Variants in MYO18B observed in about 807,000 individuals in gnomAD.
MYO18B encodes the protein unconventional myosin-XVIIIb.
Under a neutral mutation model 273.0 loss-of-function variants are expected in MYO18B, and 204 were observed. The ratio of observed to expected loss-of-function variants is 0.75; its 90% CI spans 0.67 to 0.84. The LOEUF is 0.84. Among genes scored for constraint, MYO18B ranks in the 40% least tolerant of loss-of-function variants. MYO18B has a pLI of 0.00. For missense variants in MYO18B, 3,212 were observed against 3,287.6 expected, an observed-to-expected ratio of 0.98 and a Z score of 0.56; for synonymous variants, 1,330 against 1,305.7, an observed-to-expected ratio of 1.02 and a Z score of -0.40.
At chr22:25,878,140 T>C (rs1396209330) in intron 25 of MYO18B, 92 bp downstream of exon 25, 3 of 1,007,790 alleles carry the variant, frequency 3.0e-6, no homozygotes, top group East Asian at 5.6e-5. Flanking sequence ...CCTGAAAGCA[T>C]GCTAATTGCT....
At chr22:26,024,327 A>G (rs1282528200) in intron 42 of MYO18B, among the ~76,000 whole-genome samples, 1 of 152,158 alleles carries the variant, frequency 6.6e-6, no homozygotes, top group African/African-American at 2.4e-5. Context: ...CTGCCCCAGG[A>G]GGAAGGCACC....
chr22:25,924,138 C>A (rs912280261), intron 34 of MYO18B, among the ~76,000 whole-genome samples: 1 of 152,190 alleles, frequency 6.6e-6, no homozygotes, highest in Non-Finnish European at 1.5e-5. Flanking sequence ...TGGCTCCCAG[C>A]GCACGTGTCC....
chr22:26,051,640 A>C, the MYO18B span, among the ~76,000 whole-genome samples: 2 of 152,238 alleles, frequency 1.3e-5, no homozygotes, highest in Non-Finnish European at 2.9e-5. Context: ...ATAAAAAGAC[A>C]TGCAGTGAAA....
chr22:25,841,874 G>A (rs1414320195), intron 17 of MYO18B, among the ~76,000 whole-genome samples: 5 of 152,224 alleles, frequency 3.3e-5, no homozygotes, highest in Non-Finnish European at 7.3e-5. Flanking sequence ...AATGCAGCAC[G>A]GACATTTGCG....
intron 3 of MYO18B, among the ~76,000 whole-genome samples, chr22:25,767,719 G>A (rs1027613133): frequency 1.1e-4 from 17 of 152,310 alleles, no homozygotes; most frequent in African/African-American, 3.4e-4. Flanking sequence ...CACACTATGC[G>A]CTGGGCTCAG....
chr22:25,835,222 G>A (rs561931049), intron 16 of MYO18B, 74 bp from the exon 17 acceptor site: 77 of 1,512,608 alleles, frequency 5.1e-5, no homozygotes, highest in Admixed American at 8.9e-5. Context: ...ATTCCCTATC[G>A]GTGGGAAGAG....
chr22:25,769,151 CAG>C lies in MYO18B; in HGVS notation c.1239_1240del (p.Lys414GlyfsTer3). 1.2e-6 allele frequency: 2 copies of C among 1,613,304 alleles called. No homozygotes were observed. Among genetic ancestry groups the C allele is most frequent in the Non-Finnish European group, 1.7e-6 (2 of 1,179,668 alleles). ...AACGCAGGTGAAGCTCGGAGTCAGA[CAG>C]AGAAGGGCTGTGAAGCCCCAAAGGA... On this transcript the variant is annotated frameshift_variant, in exon 4 of 44. Coordinates refer to ENST00000335473, the MANE Select transcript of MYO18B (RefSeq NM_032608.7). LOFTEE classifies it high-confidence loss of function.
chr22:25,956,301 C>A (rs1417798019), intron 39 of MYO18B, among the ~76,000 whole-genome samples: 1 of 151,678 alleles, frequency 6.6e-6, no homozygotes, highest in African/African-American at 2.4e-5. Flanking sequence ...CTATAATCTC[C>A]ATCTCCCAGG....
At chr22:25,992,265 C>A in intron 39 of MYO18B, 98 bp from the exon 40 acceptor site, 1 of 1,490,298 alleles carries the variant, frequency 6.7e-7, no homozygotes, top group Non-Finnish European at 9.2e-7. Flanking sequence ...GCTCAGTGAA[C>A]ACTAGGCTCA....
chr22:26,020,856 A>G (rs1935756093), intron 42 of MYO18B, among the ~76,000 whole-genome samples: 1 of 152,194 alleles, frequency 6.6e-6, no homozygotes, highest in Non-Finnish European at 1.5e-5. Flanking sequence ...TGGGAGGCCA[A>G]GGTGGGTGGA....
intron 12 of MYO18B, among the ~76,000 whole-genome samples, chr22:25,823,061 G>A (rs1224942626): frequency 6.6e-6 from 1 of 152,154 alleles, no homozygotes; most frequent in Non-Finnish European, 1.5e-5. Context: ...ACTAGGCAAG[G>A]TTGGGGGAGG....
chr22:25,874,655 C>T (rs2091142840), intron 23 of MYO18B, among the ~76,000 whole-genome samples: 1 of 152,182 alleles, frequency 6.6e-6, no homozygotes, highest in Non-Finnish European at 1.5e-5. Flanking sequence ...TGGGCTGATT[C>T]ATGACTTCAA....
At position 25,850,130 on chromosome 22, in the gene MYO18B, T is replaced by C. The variant is rs1288463472; in HGVS notation, c.3776-1340T>C. Among the ~76,000 whole-genome samples the C allele has an allele frequency of 2.0e-5, 3 of 152,178 alleles. No homozygotes were observed. The East Asian group carries it at 5.8e-4, about 29-fold the overall frequency. On this transcript the variant is annotated intron_variant, in intron 20 of 43. Coordinates refer to ENST00000335473, the MANE Select transcript of MYO18B (RefSeq NM_032608.7). ...GACCCTCCTCTTCCCCAGGAAGTCTTCCAGGATTAGCCACACAAACAATTG... is the reference window on the plus strand; with the variant it reads ...GACCCTCCTCTTCCCCAGGAAGTCTCCCAGGATTAGCCACACAAACAATTG...
At chr22:25,897,547 G>A (rs1042932096) in intron 28 of MYO18B, 1 of 152,198 alleles carries the variant, frequency 6.6e-6, no homozygotes, top group Non-Finnish European at 1.5e-5. Flanking sequence ...GGATATTTAT[G>A]CTACATTAAA....
intron 40 of MYO18B, among the ~76,000 whole-genome samples, chr22:26,002,801 T>A (rs1212477945): frequency 1.3e-5 from 2 of 152,178 alleles, no homozygotes; most frequent in Non-Finnish European, 2.9e-5. Flanking sequence ...GGATGCTCTC[T>A]AAAGAACAGC....
Position 25,946,152 on chromosome 22 carries a change from G to A in MYO18B, c.5533G>A (p.Ala1845Thr), listed in dbSNP as rs2092710560. 1.3e-6 allele frequency: 2 copies of A among 1,557,284 alleles called. No homozygotes were observed. Among genetic ancestry groups the A allele is most frequent in the Admixed American group, 1.9e-5 (1 of 51,770 alleles). The change falls in exon 35 of 44, where the codon GCC becomes ACC. Residue 1845 changes from alanine to threonine, a missense_variant. Coordinates refer to ENST00000335473, the MANE Select transcript of MYO18B (RefSeq NM_032608.7). The stretch of plus-strand genomic sequence containing the variant: ...CCTGGTCCAGCTGGAGCAGAGTGAA[G>A]CCAAGTGTGAGGAGGCCTTGAAGAC... ...KVHSQLEQSE[A>T]KCEEALKTQK...
intron 25 of MYO18B, among the ~76,000 whole-genome samples, chr22:25,880,865 A>G (rs1322633777): frequency 1.3e-5 from 2 of 152,234 alleles, no homozygotes; most frequent in African/African-American, 4.8e-5. Flanking sequence ...TGGACTCTAG[A>G]TCTGAATGAT....
intron 1 of MYO18B, among the ~76,000 whole-genome samples, chr22:25,744,027 G>T (rs895650660): frequency 2.0e-5 from 3 of 152,158 alleles, no homozygotes; most frequent in Non-Finnish European, 4.4e-5. Flanking sequence ...GGTGGTTCTG[G>T]TGCCCACCCA....
chr22:26,027,185 T>C lies in MYO18B; in HGVS notation c.7211T>C (p.Leu2404Pro). The C allele has an allele frequency of 6.2e-7, 1 of 1,613,894 alleles. No individual in the cohort carries two copies. Residue 2404 changes from leucine (L) to proline (P), a missense_variant, in exon 43 of 44, where the codon CTT becomes CCT. By Grantham distance (98) the Leu-to-Pro change is moderately conservative. Coordinates refer to ENST00000335473, the MANE Select transcript of MYO18B (RefSeq NM_032608.7). This position sits in a 1 kb window ranked among gnomAD's most constrained non-coding sequence, Gnocchi z 4.1. ...AGCPDLGKEP[L>P]VFQNRQFAHL... Reference sequence around the variant, plus strand: ...TGTCCAGACCTTGGAAAGGAGCCGCTTGTTTTCCAGAACCGCCAGTTTGCC... The same window carrying C: ...TGTCCAGACCTTGGAAAGGAGCCGCCTGTTTTCCAGAACCGCCAGTTTGCC...
Sources: gnomAD v4.1 joint callset for allele counts (sites outside exome capture counted in the v4.1 genomes callset) on GRCh38, gnomAD v4.1.1 for gene constraint, Gnocchi (gnomAD v3.1) non-coding constraint, MANE v1.5 for transcripts, NCBI Gene and HGNC (gene_info 2026-07-23, HGNC 2026-07-21) for gene names.